NXPE2: variants seen among roughly 807,000 people sequenced by gnomAD.
NXPE2 encodes NXPE family member 2.
A neutral mutation model predicts 34.4 loss-of-function variants in NXPE2; 34 were observed. The observed-to-expected ratio is 0.99, with a 90% CI of 0.75 to 1.31. The LOEUF is 1.31. NXPE2 is among the 40% of genes most tolerant of loss of function. The probability of loss-of-function intolerance (pLI) is 0.00; values close to 1 mark genes in which losing one functional copy is unlikely to be tolerated. For missense variants in NXPE2, 649 were observed against 672.5 expected, an observed-to-expected ratio of 0.97 and a Z score of 0.39; for synonymous variants, 235 against 231.3, an observed-to-expected ratio of 1.02 and a Z score of -0.15.
the NXPE2 span, among the ~76,000 whole-genome samples, chr11:114,542,123 T>A: frequency 4.6e-5 from 7 of 152,210 alleles, no homozygotes; most frequent in African/African-American, 1.4e-4. Flanking sequence ...ATCTGCTTTG[T>A]AAATTGTTCC....
chr11:114,469,340 C>T, the NXPE2 span, among the ~76,000 whole-genome samples: 1 of 151,614 alleles, frequency 6.6e-6, no homozygotes, highest in Non-Finnish European at 1.5e-5. Flanking sequence ...GTCTCGATCT[C>T]TTGACCTTGC....
chr11:114,589,749 G>A, the NXPE2 span, among the ~76,000 whole-genome samples: 2 of 152,090 alleles, frequency 1.3e-5, no homozygotes, highest in African/African-American at 2.4e-5. Context: ...ATCCCCTAAA[G>A]CCAGAGGGTA....
At chr11:114,590,923 G>A in the NXPE2 span, among the ~76,000 whole-genome samples, 1 of 152,188 alleles carries the variant, frequency 6.6e-6, no homozygotes, top group Non-Finnish European at 1.5e-5. Context: ...GCTGTTAGAA[G>A]GGTCAGCAGT....
chr11:114,605,771 T>C, the NXPE2 span, among the ~76,000 whole-genome samples: 2 of 151,980 alleles, frequency 1.3e-5, no homozygotes, highest in African/African-American at 4.8e-5. Context: ...GTAATCACTG[T>C]TAACCAGTGG....
At chr11:114,554,979 G>C in the NXPE2 span, among the ~76,000 whole-genome samples, 1 of 151,820 alleles carries the variant, frequency 6.6e-6, no homozygotes, top group Non-Finnish European at 1.5e-5. Context: ...TAACTAGATA[G>C]TTACATGAGA....
chr11:114,632,082 AT>A, the NXPE2 span, among the ~76,000 whole-genome samples: 1 of 145,236 alleles, frequency 6.9e-6, no homozygotes, highest in African/African-American at 2.5e-5. Context: ...GTATAATATT[AT>A]TATATTGTAA....
chr11:114,490,380 G>C, the NXPE2 span, among the ~76,000 whole-genome samples: 1 of 152,120 alleles, frequency 6.6e-6, no homozygotes, highest in Non-Finnish European at 1.5e-5. Flanking sequence ...CCAAAAAAGA[G>C]CTCACATTGT....
chr11:114,584,488 G>T, the NXPE2 span: 10 of 187,166 alleles, frequency 5.3e-5, no homozygotes, highest in Non-Finnish European at 1.0e-4. Context: ...TTCTCTGACA[G>T]ATGAATTACC....
At chr11:114,632,676 T>TTA in the NXPE2 span, among the ~76,000 whole-genome samples, 1 of 57,696 alleles carries the variant, frequency 1.7e-5, no homozygotes, top group Non-Finnish European at 2.7e-5. Flanking sequence ...GTATATATAT[T>TTA]TATATATATA....
chr11:114,531,325 T>G, the NXPE2 span, among the ~76,000 whole-genome samples: 1 of 152,156 alleles, frequency 6.6e-6, no homozygotes, highest in South Asian at 2.1e-4. Flanking sequence ...TCCAGTAACA[T>G]CTGTACCTTT....
the NXPE2 span, among the ~76,000 whole-genome samples, chr11:114,669,259 G>A: frequency 0.092 from 14,003 of 152,036 alleles, 762 homozygotes; most frequent in Middle Eastern, 0.2. Context: ...AACATTTTTT[G>A]AAGAAAATCT....
chr11:114,763,700 C>T, the NXPE2 span, among the ~76,000 whole-genome samples: 276 of 152,264 alleles, frequency 1.8e-3, 2 homozygotes, highest in African/African-American at 5.4e-3. Context: ...TCACCAGTGC[C>T]AGCTCTAATT....
chr11:114,725,378 C>G, the NXPE2 span, among the ~76,000 whole-genome samples: 1 of 151,994 alleles, frequency 6.6e-6, no homozygotes, highest in Non-Finnish European at 1.5e-5. Flanking sequence ...GCTTCCTTTC[C>G]CTGTGTGGTT....
At chr11:114,622,485 C>A in the NXPE2 span, among the ~76,000 whole-genome samples, 7 of 151,944 alleles carry the variant, frequency 4.6e-5, no homozygotes, top group Admixed American at 3.9e-4. Flanking sequence ...TCATGGATAA[C>A]CACTGTTACC....
the NXPE2 span, among the ~76,000 whole-genome samples, chr11:114,532,367 A>C: frequency 6.6e-6 from 1 of 152,204 alleles, no homozygotes; most frequent in Non-Finnish European, 1.5e-5. Context: ...TCTCTGGAAA[A>C]TATATATCTG....
the NXPE2 span, among the ~76,000 whole-genome samples, chr11:114,631,462 G>A: frequency 7.1e-6 from 1 of 140,496 alleles, no homozygotes; most frequent in African/African-American, 2.7e-5. Context: ...TCATAGGTGG[G>A]AACTGAAAAA....
the NXPE2 span, among the ~76,000 whole-genome samples, chr11:114,764,768 T>G: frequency 6.6e-6 from 1 of 152,188 alleles, no homozygotes; most frequent in African/African-American, 2.4e-5. Flanking sequence ...GCAATAACAA[T>G]CTGAAAATAT....
the NXPE2 span, among the ~76,000 whole-genome samples, chr11:114,527,618 T>G: frequency 6.6e-6 from 1 of 152,200 alleles, no homozygotes; most frequent in Admixed American, 6.5e-5. Flanking sequence ...TAAACACGAA[T>G]GTAGATACTA....
the NXPE2 span, chr11:114,551,377 G>A: frequency 7.2e-7 from 1 of 1,392,062 alleles, no homozygotes; most frequent in Non-Finnish European, 9.3e-7. Flanking sequence ...CAATCCCTTT[G>A]TCTACCTATT....
Sources: gnomAD v4.1 joint callset for allele counts (sites outside exome capture counted in the v4.1 genomes callset) on GRCh38, gnomAD v4.1.1 for gene constraint, MANE v1.5 for transcripts, NCBI Gene and HGNC (gene_info 2026-07-23, HGNC 2026-07-21) for gene names.